The following NAALADL2 variants were observed in gnomAD, a reference collection of about 807,000 sequenced individuals.
The protein encoded by NAALADL2 is N-acetylated alpha-linked acidic dipeptidase like 2, also known as inactive N-acetylated-alpha-linked acidic dipeptidase-like protein 2.
A neutral mutation model predicts 87.2 loss-of-function variants in NAALADL2; 76 were observed. That is an observed-to-expected ratio of 0.87 (90% CI 0.72 to 1.05). NAALADL2 has a LOEUF of 1.05. Ranked by LOEUF, NAALADL2 falls within the 50% of genes least tolerant of loss-of-function variation. NAALADL2 has a pLI of 0.00. For missense variants in NAALADL2, 1,089 were observed against 945.8 expected (o/e 1.15, Z -1.99); for synonymous variants, 354 against 331.0 (o/e 1.07, Z -0.75).
intron 2 of NAALADL2, among the ~76,000 whole-genome samples, chr3:174,728,342 G>T (rs1270733393): frequency 2.6e-5 from 4 of 151,968 alleles, no homozygotes; most frequent in Non-Finnish European, 1.5e-5. Context: ...TAAAGGGAAT[G>T]GTAAGTCACA....
intron 3 of NAALADL2, among the ~76,000 whole-genome samples, chr3:174,747,643 AAAAG>A (rs1734394716): frequency 6.6e-6 from 1 of 150,898 alleles, no homozygotes; most frequent in East Asian, 1.9e-4. Context: ...AAAAAAAAAA[AAAAG>A]AAAGTCAAGA....
chr3:175,318,074 A>T (rs1264867213), intron 4 of NAALADL2, among the ~76,000 whole-genome samples: 4 of 152,176 alleles, frequency 2.6e-5, no homozygotes, highest in Non-Finnish European at 5.9e-5. Context: ...AACAACTGTT[A>T]TATGACTAAC....
intron 13 of NAALADL2, among the ~76,000 whole-genome samples, chr3:175,779,809 A>G (rs1263804927): frequency 6.6e-6 from 1 of 152,160 alleles, no homozygotes; most frequent in African/African-American, 2.4e-5. Context: ...CCTATAAACT[A>G]TATTATCAGC....
At chr3:174,790,505 G>A (rs1218275799) in intron 3 of NAALADL2, among the ~76,000 whole-genome samples, 1 of 151,912 alleles carries the variant, frequency 6.6e-6, no homozygotes, top group East Asian at 1.9e-4. Flanking sequence ...AAAATTAGCT[G>A]GGTGTGGTGG....
At chr3:175,105,642 G>GACACACACACAC (rs57274941) in intron 2 of NAALADL2, among the ~76,000 whole-genome samples, 2 of 144,552 alleles carry the variant, frequency 1.4e-5, no homozygotes, top group African/African-American at 2.5e-5. Flanking sequence ...AATACACACA[G>GACACACACACAC]ACACACACAC....
chr3:175,452,488 A>G (rs1560574588), intron 6 of NAALADL2, among the ~76,000 whole-genome samples: 1 of 152,176 alleles, frequency 6.6e-6, no homozygotes, highest in Non-Finnish European at 1.5e-5. Context: ...AGGCTTTTCC[A>G]ATCAACATGG....
chr3:174,757,681 T>TTTTA (rs1712307790), intron 3 of NAALADL2, among the ~76,000 whole-genome samples: 1 of 151,902 alleles, frequency 6.6e-6, no homozygotes, highest in African/African-American at 2.4e-5. Flanking sequence ...ATTTTATTTT[T>TTTTA]TTTTGTAGAG....
intron 11 of NAALADL2, among the ~76,000 whole-genome samples, chr3:175,663,020 G>A (rs1732471276): frequency 1.3e-5 from 2 of 151,696 alleles, no homozygotes; most frequent in Admixed American, 1.3e-4. Context: ...TGCTGACCTT[G>A]CAGACTGAAT....
intron 11 of NAALADL2, among the ~76,000 whole-genome samples, chr3:175,723,382 T>C (rs937137717): frequency 4.6e-5 from 7 of 152,134 alleles, no homozygotes; most frequent in African/African-American, 1.2e-4. Flanking sequence ...CAGAGGCCCA[T>C]AGAAGTTCAA....
At position 174,786,770 on chromosome 3, in the gene NAALADL2, A is replaced by T. The variant is rs375911700; in HGVS notation, c.-9+49024A>T. Among the ~76,000 whole-genome samples the T allele has an allele frequency of 3.3e-5, 5 of 152,252 alleles. No individual in the cohort carries two copies. In the East Asian group the frequency reaches 7.8e-4, roughly 24 times the overall value. On this transcript the variant is annotated intron_variant, in intron 3 of 3. Transcript: ENST00000434257. The stretch of plus-strand genomic sequence containing the variant: ...GCAGAGGAAACACAAGGTTTGTTAG[A>T]TAAGGGTTATGCCCTGTGATAGTAA...
At chr3:175,188,407 C>T (rs781378304) in intron 2 of NAALADL2, among the ~76,000 whole-genome samples, 4 of 152,102 alleles carry the variant, frequency 2.6e-5, no homozygotes, top group East Asian at 3.9e-4. Context: ...CCAGATTCTT[C>T]GCAAAGCAGG....
chr3:175,375,301 G>A (rs987370743), intron 5 of NAALADL2, among the ~76,000 whole-genome samples: 3 of 151,970 alleles, frequency 2.0e-5, no homozygotes, highest in South Asian at 2.1e-4. Context: ...TAAAATAAAC[G>A]TGTCAATATC....
At chr3:174,469,533 A>G (rs1716767144) in intron 1 of NAALADL2, among the ~76,000 whole-genome samples, 1 of 150,812 alleles carries the variant, frequency 6.6e-6, no homozygotes, top group Non-Finnish European at 1.5e-5. Flanking sequence ...GGTTCACGCC[A>G]TTCTCCTGCC....
intron 5 of NAALADL2, among the ~76,000 whole-genome samples, chr3:175,358,514 G>A (rs976179830): frequency 6.6e-6 from 1 of 151,570 alleles, no homozygotes; most frequent in Non-Finnish European, 1.5e-5. Context: ...AGCTAAGGAA[G>A]ACAGTCTCAA....
At chr3:174,896,956 A>G (rs180853115) in intron 1 of NAALADL2, among the ~76,000 whole-genome samples, 95 of 152,332 alleles carry the variant, frequency 6.2e-4, no homozygotes, top group African/African-American at 2.3e-3. Context: ...GGTGCTGAGA[A>G]ACTGGGATAT....
At chr3:175,396,012 G>T (rs1231273245) in intron 5 of NAALADL2, among the ~76,000 whole-genome samples, 1 of 152,078 alleles carries the variant, frequency 6.6e-6, no homozygotes, top group South Asian at 2.1e-4. Context: ...AATCAATCTT[G>T]CTGTATTCAA....
At chr3:175,424,602 G>A (rs913482280) in intron 5 of NAALADL2, among the ~76,000 whole-genome samples, 7 of 151,998 alleles carry the variant, frequency 4.6e-5, no homozygotes, top group African/African-American at 1.7e-4. Context: ...ATTTCTGAGG[G>A]CTCTGTTCTG....
intron 5 of NAALADL2, among the ~76,000 whole-genome samples, chr3:175,330,939 TAAAC>T (rs201487333): frequency 0.022 from 3,383 of 151,708 alleles, 101 homozygotes; most frequent in African/African-American, 0.078. Context: ...AAGGCCCAAA[TAAAC>T]AAAATCAGAA....
chr3:174,868,476 C>T (rs1187212049), intron 1 of NAALADL2, among the ~76,000 whole-genome samples: 1 of 152,070 alleles, frequency 6.6e-6, no homozygotes, highest in Admixed American at 6.6e-5. Context: ...TTTCTGTTCC[C>T]ACAATCATCA....
Sources: gnomAD v4.1 joint callset for allele counts (sites outside exome capture counted in the v4.1 genomes callset) on GRCh38, gnomAD v4.1.1 for gene constraint, MANE v1.5 for transcripts, NCBI Gene and HGNC (gene_info 2026-07-23, HGNC 2026-07-21) for gene names.